CRYBA1: variants seen among roughly 807,000 people sequenced by gnomAD.
CRYBA1 encodes the protein beta-crystallin A3.
CRYBA1 carries 25 observed loss-of-function variants against 36.2 expected under a neutral mutation model. That is an observed-to-expected ratio of 0.69 (90% CI 0.50 to 0.97). The LOEUF (loss-of-function observed/expected upper bound fraction) is 0.97, where lower values mean the gene tolerates loss of function less well. Among genes scored for constraint, CRYBA1 ranks in the 50% least tolerant of loss-of-function variants. CRYBA1 has a pLI of 0.00. For missense variants in CRYBA1, 224 were observed against 276.3 expected, an observed-to-expected ratio of 0.81 and a Z score of 1.34; for synonymous variants, 111 against 90.0, an observed-to-expected ratio of 1.23 and a Z score of -1.32.
intron 3 of CRYBA1, among the ~76,000 whole-genome samples, chr17:29,251,184 TAAG>T (rs777644958): frequency 1.4e-4 from 21 of 152,336 alleles, no homozygotes; most frequent in Admixed American, 5.2e-4. Flanking sequence ...TGTGCTTTCT[TAAG>T]AAGAAGCCAA....
At chr17:29,250,069 C>T (rs1429427737) in intron 2 of CRYBA1, 113 bp from the exon 3 acceptor site, 6 of 775,190 alleles carry the variant, frequency 7.7e-6, no homozygotes, top group Admixed American at 6.8e-5. Flanking sequence ...TCAGGCATCC[C>T]AGGCTACAGC....
Position 29,254,408 on chromosome 17 carries a change from AGAATAAGTT to A in CRYBA1, c.*60_*68del. On this transcript the variant is annotated 3_prime_UTR_variant, in exon 6 of 6. Coordinates refer to ENST00000225387, the MANE Select transcript of CRYBA1 (RefSeq NM_005208.5). The stretch of plus-strand genomic sequence containing the variant: ...AGCATGAGACCTTGCTAAGCACTCT[AGAATAAGTT>A]TTATGTTCTGCTCACAGACATTGCT... 6.4e-7 allele frequency: 1 copy of A among 1,567,438 alleles called. No homozygotes were observed. Among genetic ancestry groups the A allele is most frequent in the Non-Finnish European group, 8.8e-7 (1 of 1,137,922 alleles).
chr17:29,249,875 CTG>C (rs1432281002), intron 2 of CRYBA1, among the ~76,000 whole-genome samples: 5 of 151,398 alleles, frequency 3.3e-5, no homozygotes, highest in East Asian at 2.0e-4. Flanking sequence ...TATGAAGGAA[CTG>C]TGGTGGAATG....
At chr17:29,250,100 TCA>T in intron 2 of CRYBA1, 80 bp from the exon 3 acceptor site, 1 of 828,876 alleles carries the variant, frequency 1.2e-6, no homozygotes. Context: ...AAGCACAGAG[TCA>T]GACTGAAGTT....
chr17:29,254,115 T>G, intron 5 of CRYBA1, 87 bp from the exon 6 acceptor site: 7 of 1,397,538 alleles, frequency 5.0e-6, no homozygotes, highest in Non-Finnish European at 7.0e-6. Flanking sequence ...TCTCATACCA[T>G]TGTGTTGAGT....
intron 1 of CRYBA1, 49 bp from the exon 2 acceptor site, chr17:29,249,093 C>A (rs766141643): frequency 8.1e-7 from 1 of 1,239,228 alleles, no homozygotes; most frequent in Non-Finnish European, 1.2e-6. Context: ...TCCCTCACCT[C>A]CCCCTCCTCC....
rs967425030 is a variant in CRYBA1 at position 29,254,375 on chromosome 17, A to T, written c.*26A>T. 1.9e-6 allele frequency: 3 copies of T among 1,613,472 alleles called. No homozygotes were observed. In the Admixed American group the frequency reaches 5.0e-5, roughly 27 times the overall value. Reference sequence around the variant, plus strand: ...CTGATTAAAAGCTCCAAGTACGATAATTCCTCAAGCATGAGACCTTGCTAA... The same window carrying T: ...CTGATTAAAAGCTCCAAGTACGATATTTCCTCAAGCATGAGACCTTGCTAA... On this transcript the variant is annotated 3_prime_UTR_variant, in exon 6 of 6. Coordinates refer to ENST00000225387, the MANE Select transcript of CRYBA1 (RefSeq NM_005208.5).
Position 29,254,215 on chromosome 17 carries a change from C to T in CRYBA1, c.514C>T (p.Gln172Ter). 1 of 1,614,034 alleles carries T rather than the reference C, an allele frequency of 6.2e-7. No homozygotes were observed. Among genetic ancestry groups the T allele is most frequent in the East Asian group, 2.2e-5 (1 of 44,878 alleles). Residue 172 changes from glutamine to a stop codon, truncating the protein, a stop_gained, in exon 6 of 6, where the codon CAA becomes TAA. Transcript: ENST00000225387. LOFTEE classifies it high-confidence loss of function. ...KIQSGAWVCY[Q>*]YPGYRGYQYI... Reference sequence around the variant, plus strand: ...TGAATTTCCTAGCTGGGTTTGCTACCAATATCCTGGATATCGTGGGTATCA... The same window carrying T: ...TGAATTTCCTAGCTGGGTTTGCTACTAATATCCTGGATATCGTGGGTATCA...
At chr17:29,249,750 G>A (rs76952595) in intron 2 of CRYBA1, among the ~76,000 whole-genome samples, 15 of 152,122 alleles carry the variant, frequency 9.9e-5, no homozygotes, top group African/African-American at 3.4e-4. Context: ...GTACAAAAAG[G>A]GTTGACCATA....
At chr17:29,250,745 T>C (rs948156876) in intron 3 of CRYBA1, among the ~76,000 whole-genome samples, 1 of 151,632 alleles carries the variant, frequency 6.6e-6, no homozygotes, top group Non-Finnish European at 1.5e-5. Context: ...AATTTCTTTA[T>C]GAAAAAAAAA....
intron 4 of CRYBA1, among the ~76,000 whole-genome samples, 178 bp downstream of exon 4, chr17:29,252,383 C>A (rs1567671311): frequency 6.6e-6 from 1 of 152,152 alleles, no homozygotes; most frequent in Admixed American, 6.5e-5. Context: ...TTTTTCTCCA[C>A]CAGGTGGTAC....
Position 29,254,392 on chromosome 17 carries a change from C to T in CRYBA1, c.*43C>T, listed in dbSNP as rs752251975. The stretch of plus-strand genomic sequence containing the variant: ...GTACGATAATTCCTCAAGCATGAGA[C>T]CTTGCTAAGCACTCTAGAATAAGTT... On this transcript the variant is annotated 3_prime_UTR_variant, in exon 6 of 6. Coordinates refer to ENST00000225387, the MANE Select transcript of CRYBA1 (RefSeq NM_005208.5). The T allele has an allele frequency of 3.8e-6, 6 of 1,599,496 alleles. No individual in the cohort carries two copies. In the African/African-American group the frequency reaches 8.0e-5, roughly 21 times the overall value.
Position 29,254,256 on chromosome 17 carries a change from T to C in CRYBA1, c.555T>C (p.Cys185=), listed in dbSNP as rs145678386. 117 of 1,614,208 alleles carry C rather than the reference T, an allele frequency of 7.2e-5. No homozygotes were observed. The African/African-American group carries it at 1.4e-3, about 19-fold the overall frequency. Residue 185 remains cysteine (C), a synonymous_variant, in exon 6 of 6, where the codon TGT becomes TGC. Coordinates refer to ENST00000225387, the MANE Select transcript of CRYBA1 (RefSeq NM_005208.5). The stretch of plus-strand genomic sequence containing the variant: ...GTGGGTATCAGTATATCTTGGAATG[T>C]GACCATCATGGAGGAGACTATAAAC... ...GYRGYQYILE[C]DHHGGDYKHW...
chr17:29,247,814 G>C (rs1304126523), intron 1 of CRYBA1, among the ~76,000 whole-genome samples: 1 of 152,196 alleles, frequency 6.6e-6, no homozygotes, highest in Non-Finnish European at 1.5e-5. Flanking sequence ...GGATCTAGGA[G>C]ATAGAAAAGC....
chr17:29,253,524 TTTAAA>T, intron 4 of CRYBA1, 111 bp from the exon 5 acceptor site: 1 of 861,136 alleles, frequency 1.2e-6, no homozygotes, highest in South Asian at 1.9e-5. Context: ...CCTTAATCTT[TTTAAA>T]TTATCATGTG....
Position 29,253,750 on chromosome 17 carries a change from C to A in CRYBA1, c.468C>A (p.Asn156Lys). 1.2e-6 allele frequency: 2 copies of A among 1,614,164 alleles called. No homozygotes were observed. Among genetic ancestry groups the A allele is most frequent in the Non-Finnish European group, 1.7e-6 (2 of 1,180,044 alleles). The change falls in exon 5 of 6, where the codon AAC becomes AAA. Residue 156 changes from asparagine to lysine, a missense_variant. Asn to Lys is a moderately conservative substitution (Grantham distance 94, BLOSUM62 0). Coordinates refer to ENST00000225387, the MANE Select transcript of CRYBA1 (RefSeq NM_005208.5). The stretch of plus-strand genomic sequence containing the variant: ...TGCAAGCCATGGGCTGGTTCAACAA[C>A]GAAGTCGGCTCCATGAAGATACAAA... ...PSLQAMGWFN[N>K]EVGSMKIQSG... is the part of the protein sequence containing the mutation.
intron 3 of CRYBA1, among the ~76,000 whole-genome samples, chr17:29,251,379 G>A (rs534570587): frequency 1.1e-4 from 17 of 152,204 alleles, no homozygotes; most frequent in African/African-American, 3.1e-4. Context: ...GTTGGGCTGC[G>A]TTCAAAGCTG....
At chr17:29,252,640 G>C (rs944658812) in intron 4 of CRYBA1, among the ~76,000 whole-genome samples, 1 of 152,168 alleles carries the variant, frequency 6.6e-6, no homozygotes, top group African/African-American at 2.4e-5. Flanking sequence ...GATCTACACT[G>C]ATTGATAATA....
chr17:29,250,300 CGT>C lies in CRYBA1; in HGVS notation c.215+2_215+3del. The stretch of plus-strand genomic sequence containing the variant: ...CGGTCCCTGAAGGTGGAAAGTGGCG[CGT>C]GAGTATGGACTTCCGCAGAACCGCA... On this transcript the variant is annotated splice_donor_variant, in intron 3 of 5. Transcript: ENST00000225387. LOFTEE classifies it high-confidence loss of function. The C allele has an allele frequency of 6.3e-7, 1 of 1,579,554 alleles. No individual in the cohort carries two copies. The highest frequency in any genetic ancestry group is 8.7e-7 in the Non-Finnish European group (1 of 1,148,244).
Sources: allele counts gnomAD v4.1 joint callset (sites outside exome capture counted in the v4.1 genomes callset), GRCh38; gene constraint gnomAD v4.1.1; transcripts MANE v1.5; gene names NCBI Gene and HGNC (gene_info 2026-07-23, HGNC 2026-07-21).